Variants in SLIT1 observed in about 807,000 individuals in gnomAD.
SLIT1 encodes slit homolog 1 protein.
Under a neutral mutation model 186.1 loss-of-function variants are expected in SLIT1, and 66 were observed. The ratio of observed to expected loss-of-function variants is 0.35; its 90% CI spans 0.29 to 0.44. The LOEUF (loss-of-function observed/expected upper bound fraction) is 0.44. Among genes scored for constraint, SLIT1 ranks in the 20% least tolerant of loss-of-function variants. The probability of loss-of-function intolerance (pLI) is 1.00; values close to 1 mark genes in which losing one functional copy is unlikely to be tolerated. For missense variants in SLIT1, 1,638 were observed against 2,037.4 expected, an observed-to-expected ratio of 0.80 and a Z score of 3.77; for synonymous variants, 761 against 833.8, an observed-to-expected ratio of 0.91 and a Z score of 1.50.
At chr10:97,133,939 C>G (rs981185947) in intron 4 of SLIT1, among the ~76,000 whole-genome samples, 2 of 152,118 alleles carry the variant, frequency 1.3e-5, no homozygotes, top group African/African-American at 4.8e-5. Context: ...CAGCCGTATA[C>G]CCTTGCTATT....
At chr10:97,176,112 C>A (rs1564695402) in intron 1 of SLIT1, among the ~76,000 whole-genome samples, 5 of 152,178 alleles carry the variant, frequency 3.3e-5, no homozygotes, top group Admixed American at 6.5e-5. Flanking sequence ...CGTCTCAGAG[C>A]CTCAAGACTC....
intron 4 of SLIT1, among the ~76,000 whole-genome samples, chr10:97,131,620 C>G (rs995173455): frequency 2.2e-4 from 34 of 152,234 alleles, no homozygotes; most frequent in Non-Finnish European, 1.0e-4. Context: ...ATGGCTCCAC[C>G]ACCTTAAAGG....
rs755597173 is a variant in SLIT1, at chr10:97,001,340, G to C, written c.4377C>G (p.Cys1459Trp). The C allele has an allele frequency of 1.2e-6, 2 of 1,612,176 alleles. No homozygotes were observed. Among genetic ancestry groups the C allele is most frequent in the South Asian group, 1.1e-5 (1 of 91,026 alleles). Residue 1459 changes from cysteine (C) to tryptophan (W), a missense_variant, in exon 37 of 37, where the codon TGC becomes TGG. Cys to Trp is a radical substitution (Grantham distance 215, BLOSUM62 -2). Transcript: ENST00000266058. Reference sequence around the variant, plus strand: ...GAAAGTCCCGGACAGGGTCCCCCCGGCACTCGGACTCTGGATGGGACAGAC... The same window carrying C: ...GAAAGTCCCGGACAGGGTCCCCCCGCCACTCGGACTCTGGATGGGACAGAC... ...SGELCEQESECRGDPVRDFHQ... is the reference protein window; with the variant it reads ...SGELCEQESEWRGDPVRDFHQ...
At chr10:97,128,057 G>A (rs945463471) in intron 4 of SLIT1, among the ~76,000 whole-genome samples, 1 of 151,900 alleles carries the variant, frequency 6.6e-6, no homozygotes, top group Non-Finnish European at 1.5e-5. Flanking sequence ...GGGAACAAAT[G>A]CACCACCGAG....
intron 4 of SLIT1, among the ~76,000 whole-genome samples, chr10:97,119,784 G>A (rs932529314): frequency 2.6e-5 from 4 of 151,636 alleles, no homozygotes; most frequent in Non-Finnish European, 5.9e-5. Flanking sequence ...AGCTAGATCA[G>A]TCCCTTCGTT....
chr10:97,129,518 G>A (rs1849634389), intron 4 of SLIT1, among the ~76,000 whole-genome samples: 1 of 152,186 alleles, frequency 6.6e-6, no homozygotes, highest in African/African-American at 2.4e-5. Flanking sequence ...GTTACTAGAC[G>A]TGGACTGTTG....
chr10:97,001,597 G>T (rs1334359882), intron 36 of SLIT1, among the ~76,000 whole-genome samples: 1 of 152,048 alleles, frequency 6.6e-6, no homozygotes, highest in Non-Finnish European at 1.5e-5. Context: ...CTGGAGGGAG[G>T]GGGGGTCCCC....
chr10:97,121,124 T>C (rs1849556813), intron 4 of SLIT1, among the ~76,000 whole-genome samples: 2 of 152,198 alleles, frequency 1.3e-5, no homozygotes, highest in African/African-American at 4.8e-5. Context: ...TGCTCCCCAG[T>C]TTCCTTTGGC....
chr10:97,060,496 G>A, intron 9 of SLIT1, 144 bp downstream of exon 9: 1 of 1,045,306 alleles, frequency 9.6e-7, no homozygotes, highest in East Asian at 2.6e-5. Flanking sequence ...GCTCAGCCCA[G>A]CAGAGGCAAA....
chr10:97,004,318 C>T lies in SLIT1; in HGVS notation c.3711-96G>A. 1 of 1,244,246 alleles carries T rather than the reference C, an allele frequency of 8.0e-7. No individual in the cohort carries two copies. The highest frequency in any genetic ancestry group is 1.1e-6 in the Non-Finnish European group (1 of 879,430). 77.1% of individuals were successfully genotyped at this position (1,244,246 alleles called of 1,614,324 possible). On this transcript the variant is annotated intron_variant, in intron 33 of 36. Transcript: ENST00000266058. The surrounding 1 kb of genome is among the most constrained non-coding windows in gnomAD (Gnocchi z 5.1). ...CCCAGAAACACCAGTAGCTGCTTCC[C>T]AGGAGACCAAATATCTAAGGAAAAG...
chr10:97,011,151 G>C (rs775752976), intron 30 of SLIT1, 21 bp from the exon 31 acceptor site: 15 of 1,597,450 alleles, frequency 9.4e-6, no homozygotes, highest in Non-Finnish European at 1.2e-5. Flanking sequence ...GGGGGCAGGG[G>C]TAGTTGGGGG....
intron 23 of SLIT1, among the ~76,000 whole-genome samples, chr10:97,033,369 T>C (rs1044002092): frequency 6.6e-6 from 1 of 152,124 alleles, no homozygotes; most frequent in African/African-American, 2.4e-5. Flanking sequence ...ACCAGGCAAA[T>C]ATAAGGGACA....
chr10:97,079,678 A>G (rs114364558), intron 4 of SLIT1, among the ~76,000 whole-genome samples: 2,137 of 152,346 alleles, frequency 0.014, 54 homozygotes, highest in African/African-American at 0.049. Flanking sequence ...CCCAGCCAAC[A>G]GTGAGGAGGG....
chr10:97,062,419 A>G (rs1589379160), intron 8 of SLIT1, among the ~76,000 whole-genome samples: 1 of 152,186 alleles, frequency 6.6e-6, no homozygotes, highest in South Asian at 2.1e-4. Flanking sequence ...CGGGTTTGGG[A>G]GAAACAGTCA....
chr10:97,067,459 C>T (rs977560461), intron 4 of SLIT1, among the ~76,000 whole-genome samples: 3 of 152,202 alleles, frequency 2.0e-5, no homozygotes, highest in Admixed American at 6.5e-5. Flanking sequence ...TTCCCAGGAG[C>T]GTGGCGTGGA....
chr10:97,069,890 GA>G (rs1848986062), intron 4 of SLIT1, among the ~76,000 whole-genome samples: 1 of 152,158 alleles, frequency 6.6e-6, no homozygotes, highest in Non-Finnish European at 1.5e-5. Flanking sequence ...ACATATGATG[GA>G]AACGGTAATG....
At chr10:97,112,299 G>A (rs1047982091) in intron 4 of SLIT1, among the ~76,000 whole-genome samples, 6 of 151,992 alleles carry the variant, frequency 3.9e-5, no homozygotes, top group Non-Finnish European at 7.4e-5. Flanking sequence ...CTGACAGAGC[G>A]CCCTGTGGTA....
chr10:97,178,423 T>C (rs1160000563), intron 1 of SLIT1, among the ~76,000 whole-genome samples: 6 of 152,074 alleles, frequency 3.9e-5, no homozygotes, highest in Non-Finnish European at 8.8e-5. Context: ...ATAACCGGCC[T>C]GCATACATCA....
In SLIT1 at chr10:97,049,038, G is replaced by A. The variant is rs765755560; in HGVS notation, c.1382C>T (p.Thr461Met). The part of the protein sequence containing the change: ...ADFLRTNPIE[T>M]SGARCASPRR... The stretch of plus-strand genomic sequence containing the variant: ...GGGACTGGCACAGCGGGCACCACTC[G>A]TCTCGATGGGATTGGTGCGCAGGAA... Residue 461 changes from threonine (T) to methionine (M), a missense_variant, in exon 14 of 37, where the codon ACG becomes ATG. By Grantham distance (81) the Thr-to-Met change is moderately conservative. Around this residue, in one of 3 missense-constraint regions of SLIT1, gnomAD observed 1,245 missense variants for 1,535.3 expected, o/e 0.81. Coordinates refer to ENST00000266058, the MANE Select transcript of SLIT1 (RefSeq NM_003061.3). 8 of 1,612,612 alleles carry A rather than the reference G, an allele frequency of 5.0e-6. No homozygotes were observed. The highest frequency in any genetic ancestry group is 1.7e-5 in the Admixed American group (1 of 59,958).
Sources: gnomAD v4.1 joint callset for allele counts (sites outside exome capture counted in the v4.1 genomes callset) on GRCh38, gnomAD v4.1.1 for gene constraint, gnomAD v4.1.1 regional missense constraint, Gnocchi (gnomAD v3.1) non-coding constraint, MANE v1.5 for transcripts, NCBI Gene and HGNC (gene_info 2026-07-23, HGNC 2026-07-21) for gene names.